GLRA2: variants seen among roughly 807,000 people sequenced by gnomAD.
GLRA2 encodes the protein glycine receptor alpha 2, also known as glycine receptor subunit alpha-2.
In GLRA2, 11 loss-of-function variants were observed where a neutral mutation model predicts 31.6. The ratio of observed to expected loss-of-function variants is 0.35; its 90% CI spans 0.22 to 0.58. GLRA2 has a LOEUF of 0.58. GLRA2 is among the 20% of genes least tolerant of loss of function. The pLI, the probability that GLRA2 is intolerant of heterozygous loss-of-function variation, is 0.84. For missense variants in GLRA2, 212 were observed against 351.8 expected, an observed-to-expected ratio of 0.60 and a Z score of 3.18; for synonymous variants, 132 against 134.0, an observed-to-expected ratio of 0.99 and a Z score of 0.10.
the GLRA2 span, among the ~76,000 whole-genome samples, chrX:14,515,665 AATT>A: frequency 8.9e-6 from 1 of 111,835 alleles, no homozygotes; most frequent in African/African-American, 3.2e-5. Context: ...TCTAAATGTT[AATT>A]ATTATGCTTT....
chrX:14,586,426 A>T (rs2090081597), intron 4 of GLRA2, among the ~76,000 whole-genome samples: 1 of 112,115 alleles, frequency 8.9e-6, no homozygotes. Flanking sequence ...TTGTTTGTTG[A>T]CCTGCCCCAT....
At chrX:14,694,767 C>T (rs767189685) in intron 8 of GLRA2, among the ~76,000 whole-genome samples, 1 of 112,530 alleles carries the variant, frequency 8.9e-6, no homozygotes, top group Admixed American at 9.4e-5. Flanking sequence ...GAAAAAAATG[C>T]AGCCTTTTGA....
In GLRA2 at chrX:14,731,576, C is replaced by T. The variant is rs1400375795; in HGVS notation, c.*1091C>T. 8.9e-6 allele frequency: 1 copy of T among 111,752 alleles called. No individual in the cohort carries two copies. Among genetic ancestry groups the T allele is most frequent in the Admixed American group, 9.6e-5 (1 of 10,467 alleles). The allele number at this position is 111,752 out of a possible 1,213,427, so 9.2% of individuals were successfully genotyped here. ...CATTGTTTTAAATATCCTTAACTAACTTAAAGAATTTTAAAATTGTACTGT... is the reference window on the plus strand; with the variant it reads ...CATTGTTTTAAATATCCTTAACTAATTTAAAGAATTTTAAAATTGTACTGT... On this transcript the variant is annotated 3_prime_UTR_variant, in exon 9 of 9. Coordinates refer to ENST00000218075, the MANE Select transcript of GLRA2 (RefSeq NM_002063.4).
the GLRA2 span, among the ~76,000 whole-genome samples, chrX:14,464,697 C>G: frequency 2.5e-4 from 28 of 111,840 alleles, no homozygotes; most frequent in African/African-American, 9.1e-4. Flanking sequence ...GCTGGGACTA[C>G]AAGCACCCAC....
the GLRA2 span, among the ~76,000 whole-genome samples, chrX:14,500,926 T>C: frequency 9.0e-6 from 1 of 111,242 alleles, no homozygotes; most frequent in Non-Finnish European, 1.9e-5. Flanking sequence ...CTTAATATAA[T>C]AAAAATGTGA....
At chrX:14,627,489 T>C (rs5980053) in intron 7 of GLRA2, among the ~76,000 whole-genome samples, 3,163 of 111,604 alleles carry the variant, frequency 0.028, 118 homozygotes, top group African/African-American at 0.096. Context: ...TTAAAATGTA[T>C]GTCCTCCATG....
At chrX:14,674,383 T>A (rs2091123049) in intron 7 of GLRA2, among the ~76,000 whole-genome samples, 1 of 112,497 alleles carries the variant, frequency 8.9e-6, no homozygotes, top group African/African-American at 3.2e-5. Context: ...CAAGATATTT[T>A]ACTTTACATT....
At chrX:14,521,731 T>TA in the GLRA2 span, among the ~76,000 whole-genome samples, 3 of 112,237 alleles carry the variant, frequency 2.7e-5, no homozygotes, top group African/African-American at 6.5e-5. Context: ...GTGAATATAA[T>TA]AAAAAAGTGA....
chrX:14,696,324 A>G (rs768412324), intron 8 of GLRA2, among the ~76,000 whole-genome samples: 14 of 110,533 alleles, frequency 1.3e-4, no homozygotes, highest in African/African-American at 4.3e-4. Context: ...AGGGGAAAAC[A>G]CGGAAGAGAC....
Position 14,730,669 on chromosome X carries a change from C to G in GLRA2, c.*184C>G, listed in dbSNP as rs2091981709. 2 of 424,253 alleles carry G rather than the reference C, an allele frequency of 4.7e-6. No homozygotes were observed. Among genetic ancestry groups the G allele is most frequent in the Non-Finnish European group, 8.2e-6 (2 of 243,752 alleles). The allele number at this position is 424,253 out of a possible 1,213,427, so 35.0% of individuals were successfully genotyped here. ...CAAGTTATATGGGTGATGAAGAAAA[C>G]TGCACAAAATTAAGGGGTTGCAGAA... On this transcript the variant is annotated 3_prime_UTR_variant, in exon 9 of 9. Coordinates refer to ENST00000218075, the MANE Select transcript of GLRA2 (RefSeq NM_002063.4).
At chrX:14,560,922 TATA>T (rs1332223242) in intron 2 of GLRA2, among the ~76,000 whole-genome samples, 1 of 109,645 alleles carries the variant, frequency 9.1e-6, no homozygotes, top group African/African-American at 3.3e-5. Flanking sequence ...TGTTTTAAAA[TATA>T]GTCATTATGA....
upstream of GLRA2, among the ~76,000 whole-genome samples, chrX:14,527,462 A>G (rs1490856489): frequency 9.0e-6 from 1 of 110,749 alleles, no homozygotes; most frequent in South Asian, 3.9e-4. Context: ...TAAAAATACA[A>G]AAATTAGCTG....
chrX:14,667,561 C>T (rs1401484800), intron 7 of GLRA2, among the ~76,000 whole-genome samples: 1 of 111,657 alleles, frequency 9.0e-6, no homozygotes, highest in Non-Finnish European at 1.9e-5. Flanking sequence ...TTTTGAATAG[C>T]TACTTTTATA....
the GLRA2 span, among the ~76,000 whole-genome samples, chrX:14,508,661 T>C: frequency 6.3e-5 from 7 of 111,989 alleles, no homozygotes; most frequent in South Asian, 2.6e-3. Context: ...GATTAGGGAC[T>C]TCATATTACT....
At chrX:14,632,210 A>G (rs1024799321) in intron 7 of GLRA2, among the ~76,000 whole-genome samples, 2 of 109,343 alleles carry the variant, frequency 1.8e-5, no homozygotes, top group Non-Finnish European at 3.8e-5. Flanking sequence ...CTTAAAAACC[A>G]TTTTCCAAAT....
chrX:14,709,651 C>G (rs2091684059), intron 8 of GLRA2, among the ~76,000 whole-genome samples: 1 of 112,200 alleles, frequency 8.9e-6, no homozygotes, highest in African/African-American at 3.2e-5. Context: ...CAGAGATGAT[C>G]TGCAAAGCTA....
chrX:14,637,735 A>T (rs1431916409), intron 7 of GLRA2, among the ~76,000 whole-genome samples: 2 of 112,045 alleles, frequency 1.8e-5, no homozygotes, highest in African/African-American at 6.5e-5. Context: ...TACATTGTAT[A>T]CGTCACAGTA....
chrX:14,687,525 G>A lies in GLRA2; in HGVS notation c.931-3185G>A, dbSNP rs766907146. Among the ~76,000 whole-genome samples, 9 of 111,021 alleles carry A rather than the reference G, an allele frequency of 8.1e-5. No homozygotes were observed. The South Asian group carries it at 3.4e-3, about 42-fold the overall frequency. ...TTTCTTTTTACTCTTTTTTCTCTAA[G>A]CTTCTCTTCTCGCTTCATTTCATTA... On this transcript the variant is annotated intron_variant, in intron 7 of 8. Coordinates refer to ENST00000218075, the MANE Select transcript of GLRA2 (RefSeq NM_002063.4).
At chrX:14,527,757 G>A (rs1487592565), upstream of GLRA2, among the ~76,000 whole-genome samples, 1 of 111,713 alleles carries the variant, frequency 9.0e-6, no homozygotes, top group Non-Finnish European at 1.9e-5. Context: ...AAAAATCTGT[G>A]CTATTTTTCC....
Sources: gnomAD v4.1 joint callset for allele counts (sites outside exome capture counted in the v4.1 genomes callset) on GRCh38, gnomAD v4.1.1 for gene constraint, MANE v1.5 for transcripts, NCBI Gene and HGNC (gene_info 2026-07-23, HGNC 2026-07-21) for gene names.